GNB5: variants seen among roughly 807,000 people sequenced by gnomAD.
GNB5 encodes the protein G protein subunit beta 5, also known as guanine nucleotide-binding protein subunit beta-5.
In GNB5, 37 loss-of-function variants were observed where a neutral mutation model predicts 55.3. That is an observed-to-expected ratio of 0.67 (90% CI 0.51 to 0.88). The LOEUF is 0.88. Among genes scored for constraint, GNB5 ranks in the 40% least tolerant of loss-of-function variants. The pLI is 0.00. For synonymous variants in GNB5, 219 were observed against 198.5 expected, an observed-to-expected ratio of 1.10 and a Z score of -0.87; for missense variants, 476 against 515.3, an observed-to-expected ratio of 0.92 and a Z score of 0.74.
intron 9 of GNB5, chr15:52,128,928 G>T (rs562192624): frequency 1.0e-5 from 3 of 296,144 alleles, no homozygotes; most frequent in South Asian, 5.7e-5. Context: ...ACCCAGCTGT[G>T]TTCCCCACAC....
chr15:52,132,813 C>T (rs1042804487), intron 9 of GNB5, among the ~76,000 whole-genome samples: 1 of 152,004 alleles, frequency 6.6e-6, no homozygotes, highest in Non-Finnish European at 1.5e-5. Flanking sequence ...CCAGTGACCA[C>T]CTGGCCTTTT....
intron 7 of GNB5, among the ~76,000 whole-genome samples, chr15:52,136,145 CACACACACACACACACACACACACACA>C (rs2033711146): frequency 2.2e-5 from 3 of 136,028 alleles, no homozygotes; most frequent in Admixed American, 7.2e-5. Flanking sequence ...CACACACACA[CACACACACACACACACACACACACACA>C]CCCTACCTGC....
intron 3 of GNB5, among the ~76,000 whole-genome samples, chr15:52,168,419 T>C (rs1421119767): frequency 6.6e-6 from 1 of 152,136 alleles, no homozygotes; most frequent in African/African-American, 2.4e-5. Context: ...ACAAGGTAAG[T>C]GAAGGATCTC....
At chr15:52,130,572 A>G (rs1317612163) in intron 9 of GNB5, among the ~76,000 whole-genome samples, 1 of 152,242 alleles carries the variant, frequency 6.6e-6, no homozygotes, top group Admixed American at 6.5e-5. Flanking sequence ...GAATTCATAA[A>G]TACTTTAAAA....
chr15:52,168,515 T>C (rs1673152800), intron 3 of GNB5, among the ~76,000 whole-genome samples: 1 of 152,118 alleles, frequency 6.6e-6, no homozygotes, highest in South Asian at 2.1e-4. Flanking sequence ...ATAGGAAGAA[T>C]CAATACAGTG....
Position 52,147,416 on chromosome 15 carries a change from T to C in GNB5, c.494+43A>G, listed in dbSNP as rs764293568. 1.5e-5 allele frequency: 16 copies of C among 1,071,220 alleles called. No individual in the cohort carries two copies. In the African/African-American group the frequency reaches 2.3e-4, roughly 15 times the overall value. 66.4% of individuals were successfully genotyped at this position (1,071,220 alleles called of 1,614,324 possible). On this transcript the variant is annotated intron_variant, in intron 6 of 12. Transcript: ENST00000261837. ...TTTTTGCCAAGAGAACAGTATTCTA[T>C]GGTTAACACAAATTCTGAAAAGCTG...
rs1250372275 is a variant in GNB5, at chr15:52,119,139, GGA to G, written c.*3616_*3617del. On this transcript the variant is annotated 3_prime_UTR_variant, in exon 13 of 13. Coordinates refer to ENST00000261837, the MANE Select transcript of GNB5 (RefSeq NM_016194.4). ...AGCAGAAGGGGAAGGAAGGAGACCA[GGA>G]GAGAGGTGGAACAGGGAGACAGAGG... 6.9e-6 allele frequency: 1 copy of G among 144,158 alleles called. No homozygotes were observed. Among genetic ancestry groups the G allele is most frequent in the Non-Finnish European group, 1.5e-5 (1 of 66,424 alleles). The allele number at this position is 144,158 out of a possible 1,614,324, so 8.9% of individuals were successfully genotyped here.
Position 52,126,286 on chromosome 15 carries a change from A to T in GNB5, c.913-242T>A, listed in dbSNP as rs148294716. Among the ~76,000 whole-genome samples, 476 of 152,326 alleles carry T rather than the reference A, an allele frequency of 3.1e-3. 1 individual carries two copies. Among genetic ancestry groups the T allele is most frequent in the African/African-American group, 0.011 (454 of 41,580 alleles). ...CAGTAAAGAAACGGCAAATACAGCA[A>T]ATTTCTTCAGGTATAAAAACAAAAT... On this transcript the variant is annotated intron_variant, in intron 10 of 12. Coordinates refer to ENST00000261837, the MANE Select transcript of GNB5 (RefSeq NM_016194.4).
At chr15:52,157,873 T>A (rs976493477) in intron 3 of GNB5, among the ~76,000 whole-genome samples, 1 of 150,794 alleles carries the variant, frequency 6.6e-6, no homozygotes, top group African/African-American at 2.4e-5. Context: ...TTAAAACAAA[T>A]TTTAAAAATT....
rs1369515050 is a variant in GNB5 at position 52,119,037 on chromosome 15, G to C, written c.*3720C>G. On this transcript the variant is annotated 3_prime_UTR_variant, in exon 13 of 13. Transcript: ENST00000261837. ...GAGAAAAGAAAGAGCTGGGGGAAGG[G>C]GAATGGGGAGGAGATGGGGAGAAAA... 7.5e-6 allele frequency: 1 copy of C among 133,986 alleles called. No homozygotes were observed. Among genetic ancestry groups the C allele is most frequent in the Non-Finnish European group, 1.5e-5 (1 of 66,290 alleles). The allele number at this position is 133,986 out of a possible 1,614,324, so 8.3% of individuals were successfully genotyped here.
chr15:52,143,166 G>GA (rs71130133), intron 6 of GNB5, among the ~76,000 whole-genome samples: 24,534 of 141,808 alleles, frequency 0.17, 2,196 homozygotes, highest in Admixed American at 0.27. Flanking sequence ...AAAAAAAAGA[G>GA]AAAAAAAAAA....
Position 52,117,102 on chromosome 15 carries a change from A to ATATATATATATATATTTTTTTTTTT in GNB5, c.*5654_*5655insAAAAAAAAAAATATATATATATATA. ...CCACGCCCAGCTAATATATATATAT[A>ATATATATATATATATTTTTTTTTTT]TTTTTTTTTAGTACAGACAGGGTTT... On this transcript the variant is annotated 3_prime_UTR_variant, in exon 13 of 13. Coordinates refer to ENST00000261837, the MANE Select transcript of GNB5 (RefSeq NM_016194.4). 2 of 87,100 alleles carry ATATATATATATATATTTTTTTTTTT rather than the reference A, an allele frequency of 2.3e-5. 1 individual carries two copies. The highest frequency in any genetic ancestry group is 1.2e-4 in the African/African-American group (2 of 16,446). The allele number at this position is 87,100 out of a possible 1,614,324, so 5.4% of individuals were successfully genotyped here.
chr15:52,165,650 G>C (rs2034435915), intron 3 of GNB5, among the ~76,000 whole-genome samples: 1 of 152,124 alleles, frequency 6.6e-6, no homozygotes, highest in Non-Finnish European at 1.5e-5. Context: ...AGCAAATGCT[G>C]AGGAAATTTA....
chr15:52,182,879 C>T (rs1596112233), intron 2 of GNB5, among the ~76,000 whole-genome samples: 1 of 152,322 alleles, frequency 6.6e-6, no homozygotes, highest in African/African-American at 2.4e-5. Flanking sequence ...GGGCCGGGCG[C>T]AGTGGTTCAC....
intron 12 of GNB5, 81 bp downstream of exon 12, chr15:52,124,392 A>G: frequency 1.7e-6 from 2 of 1,157,004 alleles, no homozygotes; most frequent in East Asian, 2.4e-5. Context: ...TTACTCTGAT[A>G]GCCTTCCCTC....
intron 5 of GNB5, among the ~76,000 whole-genome samples, chr15:52,148,054 CA>C (rs1484916230): frequency 2.2e-5 from 3 of 138,526 alleles, no homozygotes; most frequent in Non-Finnish European, 4.7e-5. Flanking sequence ...GCTCAACTAG[CA>C]AAAGCAAAAA....
intron 1 of GNB5, among the ~76,000 whole-genome samples, chr15:52,188,876 G>T (rs994326891): frequency 1.3e-5 from 2 of 152,180 alleles, no homozygotes; most frequent in African/African-American, 4.8e-5. Context: ...ACTGCCCTTA[G>T]TTTGTTGTTT....
chr15:52,140,040 T>C (rs189172915), intron 7 of GNB5: 2 of 1,055,398 alleles, frequency 1.9e-6, no homozygotes, highest in East Asian at 7.5e-5. Context: ...TGAACAAGTC[T>C]GCAAGATTCC....
At chr15:52,152,853 G>A (rs958922739) in intron 4 of GNB5, among the ~76,000 whole-genome samples, 2 of 152,084 alleles carry the variant, frequency 1.3e-5, no homozygotes, top group Admixed American at 6.5e-5. Context: ...TCGAACTCCT[G>A]GATTCAAGTG....
Sources: gnomAD v4.1 joint callset for allele counts (sites outside exome capture counted in the v4.1 genomes callset) on GRCh38, gnomAD v4.1.1 for gene constraint, MANE v1.5 for transcripts, NCBI Gene and HGNC (gene_info 2026-07-23, HGNC 2026-07-21) for gene names.